The following RBFOX1 variants were observed in gnomAD, a reference collection of about 807,000 sequenced individuals.
The protein encoded by RBFOX1 is RNA binding fox-1 homolog 1, also known as RNA binding protein fox-1 homolog 1.
Under a neutral mutation model 57.7 loss-of-function variants are expected in RBFOX1, and 8 were observed. That is an observed-to-expected ratio of 0.14 (90% CI 0.08 to 0.25). The LOEUF is 0.25. Ranked by LOEUF, RBFOX1 falls within the 10% of genes least tolerant of loss-of-function variation. The pLI, the probability that RBFOX1 is intolerant of heterozygous loss-of-function variation, is 1.00. For synonymous variants in RBFOX1, 326 were observed against 222.4 expected, an observed-to-expected ratio of 1.47 and a Z score of -4.15; for missense variants, 611 against 548.5, an observed-to-expected ratio of 1.11 and a Z score of -1.14.
rs544085292 is a variant in RBFOX1, at chr16:5,820,528, T to G, written c.319-46775T>G. Among the ~76,000 whole-genome samples, 8 of 152,280 alleles carry G rather than the reference T, an allele frequency of 5.3e-5. No homozygotes were observed. The East Asian group carries it at 1.2e-3, about 22-fold the overall frequency. The stretch of plus-strand genomic sequence containing the variant: ...ACAAGGGAGGGGAACCCACCCCAGC[T>G]TCTTTTCATCATCAGCCTAACTAAT... On this transcript the variant is annotated intron_variant, in intron 3 of 19. Transcript: ENST00000641259.
rs75529154 is a variant in RBFOX1 at position 7,584,853 on chromosome 16, G to A, written c.415-2394G>A. 6.2e-4 allele frequency among the ~76,000 whole-genome samples: 94 copies of A among 152,258 alleles called. No homozygotes were observed. The East Asian group carries it at 0.016, about 26-fold the overall frequency. On this transcript the variant is annotated intron_variant, in intron 6 of 15. Coordinates refer to ENST00000550418, the MANE Select transcript of RBFOX1 (RefSeq NM_018723.4). The stretch of plus-strand genomic sequence containing the variant: ...CATTCTTCTTTGGGCTTGTTTCACC[G>A]GCTTTGAGAACCGTCAACCTAACAG...
At chr16:5,380,277 C>A (rs1567418588) in intron 1 of RBFOX1, among the ~76,000 whole-genome samples, 1 of 152,146 alleles carries the variant, frequency 6.6e-6, no homozygotes, top group East Asian at 1.9e-4. Flanking sequence ...ATGGTGGAAA[C>A]TTAAATGTCC....
intron 3 of RBFOX1, among the ~76,000 whole-genome samples, chr16:7,042,644 G>C (rs1229347446): frequency 6.6e-6 from 1 of 152,220 alleles, no homozygotes; most frequent in African/African-American, 2.4e-5. Flanking sequence ...AAGTGATTAA[G>C]GCCAGGTGCA....
At chr16:5,391,003 T>C (rs524181) in intron 1 of RBFOX1, among the ~76,000 whole-genome samples, 105,221 of 152,064 alleles carry the variant, frequency 0.69, 36,738 homozygotes, top group East Asian at 0.89. Context: ...TCCAGCATCC[T>C]GGCTTGTGAG....
At chr16:5,662,160 C>T (rs985063663) in intron 3 of RBFOX1, among the ~76,000 whole-genome samples, 1 of 152,090 alleles carries the variant, frequency 6.6e-6, no homozygotes, top group Non-Finnish European at 1.5e-5. Context: ...TTTAAATTCC[C>T]CTCAGAAAAC....
At chr16:6,585,090 C>A (rs1211561224) in intron 2 of RBFOX1, among the ~76,000 whole-genome samples, 1 of 152,162 alleles carries the variant, frequency 6.6e-6, no homozygotes, top group Non-Finnish European at 1.5e-5. Context: ...CATCTCTGTG[C>A]ACTTTCATAA....
rs367997204 is a variant in RBFOX1, at chr16:6,522,399, A to T, written c.-63-132204A>T. ...TAATTTTTACCCAAGCTGGCCATTTATCAGAAGGTACATAATGCCATCGTA... is the reference window on the plus strand; with the variant it reads ...TAATTTTTACCCAAGCTGGCCATTTTTCAGAAGGTACATAATGCCATCGTA... On this transcript the variant is annotated intron_variant, in intron 2 of 15. Transcript: ENST00000550418. Among the ~76,000 whole-genome samples the T allele has an allele frequency of 2.8e-4, 43 of 152,294 alleles. No homozygotes were observed. The East Asian group carries it at 3.9e-3, about 14-fold the overall frequency.
chr16:7,056,310 G>A (rs1317361737), intron 4 of RBFOX1, among the ~76,000 whole-genome samples: 1 of 152,080 alleles, frequency 6.6e-6, no homozygotes, highest in Non-Finnish European at 1.5e-5. Flanking sequence ...TCATTCCTCC[G>A]TCCCAAGGTT....
At chr16:6,496,026 C>A (rs1189056672) in intron 2 of RBFOX1, among the ~76,000 whole-genome samples, 5 of 152,008 alleles carry the variant, frequency 3.3e-5, no homozygotes, top group Admixed American at 6.6e-5. Context: ...AGTGACAGGA[C>A]AAAATGTGGA....
At chr16:7,411,127 G>A (rs1481436318) in intron 4 of RBFOX1, among the ~76,000 whole-genome samples, 1 of 152,014 alleles carries the variant, frequency 6.6e-6, no homozygotes, top group Non-Finnish European at 1.5e-5. Context: ...TGTATTTTTA[G>A]TAGAGACGGG....
At position 7,524,445 on chromosome 16, in the gene RBFOX1, T is replaced by C. The variant is rs532546581; in HGVS notation, c.270+6056T>C. On this transcript the variant is annotated intron_variant, in intron 5 of 15. Coordinates refer to ENST00000550418, the MANE Select transcript of RBFOX1 (RefSeq NM_018723.4). ...CGGATCACATTGCTGACAGAGCCAA[T>C]ACTGTATTATGTTAGATACTGTTCC... is the stretch of plus-strand genomic sequence containing the variant. Among the ~76,000 whole-genome samples, 4 of 152,310 alleles carry C rather than the reference T, an allele frequency of 2.6e-5. No homozygotes were observed. The East Asian group carries it at 7.7e-4, about 29-fold the overall frequency.
intron 4 of RBFOX1, among the ~76,000 whole-genome samples, chr16:7,335,412 A>G (rs576557060): frequency 6.6e-6 from 1 of 152,274 alleles, no homozygotes; most frequent in African/African-American, 2.4e-5. Flanking sequence ...AGATGTTGAA[A>G]CAGAGTTCAT....
intron 4 of RBFOX1, among the ~76,000 whole-genome samples, chr16:7,065,004 G>T (rs1208083211): frequency 1.3e-5 from 2 of 152,172 alleles, no homozygotes; most frequent in Non-Finnish European, 2.9e-5. Flanking sequence ...CAACAAATCA[G>T]ATGGACGCAG....
At chr16:7,066,260 C>G (rs752692741) in intron 4 of RBFOX1, among the ~76,000 whole-genome samples, 2 of 152,164 alleles carry the variant, frequency 1.3e-5, no homozygotes, top group South Asian at 2.1e-4. Context: ...GGTCTATATT[C>G]ACTTGTTTTG....
chr16:6,918,321 C>T lies in RBFOX1; in HGVS notation c.-15-133736C>T, dbSNP rs922121138. ...AGGAAACACACATTTGGGGACTCCACCCCAGGCCTACCGAATCAGACCACT... is the reference window on the plus strand; with the variant it reads ...AGGAAACACACATTTGGGGACTCCATCCCAGGCCTACCGAATCAGACCACT... On this transcript the variant is annotated intron_variant, in intron 3 of 15. Coordinates refer to ENST00000550418, the MANE Select transcript of RBFOX1 (RefSeq NM_018723.4). Among the ~76,000 whole-genome samples, 8 of 151,612 alleles carry T rather than the reference C, an allele frequency of 5.3e-5. No individual in the cohort carries two copies. In the East Asian group the frequency reaches 9.7e-4, roughly 18 times the overall value.
At chr16:5,654,100 C>A (rs747350485) in intron 3 of RBFOX1, among the ~76,000 whole-genome samples, 7 of 152,164 alleles carry the variant, frequency 4.6e-5, no homozygotes, top group Non-Finnish European at 7.3e-5. Context: ...AGTGAGGACA[C>A]GTCTGGGTCA....
At chr16:5,468,357 C>A (rs977587159) in intron 2 of RBFOX1, among the ~76,000 whole-genome samples, 1 of 152,146 alleles carries the variant, frequency 6.6e-6, no homozygotes, top group African/African-American at 2.4e-5. Flanking sequence ...TTGTTCTCCT[C>A]TCCCTTCAGC....
At chr16:7,397,761 T>C (rs546781628) in intron 4 of RBFOX1, among the ~76,000 whole-genome samples, 106 of 152,346 alleles carry the variant, frequency 7.0e-4, no homozygotes, top group African/African-American at 2.5e-3. Context: ...AGAGTTTAAG[T>C]AATAGATTTA....
At chr16:7,137,940 T>G (rs2072506081) in intron 4 of RBFOX1, among the ~76,000 whole-genome samples, 1 of 152,210 alleles carries the variant, frequency 6.6e-6, no homozygotes, top group Non-Finnish European at 1.5e-5. Context: ...ATACTCAATA[T>G]TTCAGTGAGT....
Sources: allele counts gnomAD v4.1 joint callset (sites outside exome capture counted in the v4.1 genomes callset), GRCh38; gene constraint gnomAD v4.1.1; transcripts MANE v1.5; gene names NCBI Gene and HGNC (gene_info 2026-07-23, HGNC 2026-07-21).